PRDM16: variants seen among roughly 807,000 people sequenced by gnomAD.
PRDM16 encodes the protein PR/SET domain 16.
PRDM16 carries 23 observed loss-of-function variants against 110.6 expected under a neutral mutation model. The ratio of observed to expected loss-of-function variants is 0.21; its 90% CI spans 0.15 to 0.29. The LOEUF (loss-of-function observed/expected upper bound fraction) is 0.29, where lower values mean the gene tolerates loss of function less well. PRDM16 is among the 10% of genes least tolerant of loss of function. PRDM16 has a pLI of 1.00. For missense variants in PRDM16, 1,615 were observed against 1,794.3 expected (o/e 0.90, Z 1.81); for synonymous variants, 799 against 781.8 (o/e 1.02, Z -0.37).
intron 3 of PRDM16, among the ~76,000 whole-genome samples, chr1:3,356,885 T>C (rs1279346151): frequency 3.3e-5 from 5 of 152,172 alleles, no homozygotes; most frequent in African/African-American, 1.2e-4. Context: ...GCCGGCTGGC[T>C]ACCCCGGATC....
chr1:3,381,332 A>G (rs1010005026), intron 3 of PRDM16, among the ~76,000 whole-genome samples: 2 of 151,144 alleles, frequency 1.3e-5, no homozygotes, highest in African/African-American at 4.9e-5. Context: ...TTGTTTTTCC[A>G]GGGATTTATT....
intron 1 of PRDM16, among the ~76,000 whole-genome samples, chr1:3,075,627 AT>A (rs1641879449): frequency 6.6e-6 from 1 of 152,250 alleles, no homozygotes; most frequent in Non-Finnish European, 1.5e-5. Flanking sequence ...ATTTATAATC[AT>A]TTTAAAACAT....
chr1:3,359,009 G>A lies in PRDM16; in HGVS notation c.439-26143G>A, dbSNP rs977067883. On this transcript the variant is annotated intron_variant, in intron 3 of 16. Coordinates refer to ENST00000270722, the MANE Select transcript of PRDM16 (RefSeq NM_022114.4). This position sits in a 1 kb window ranked among gnomAD's most constrained non-coding sequence, Gnocchi z 4.3. The stretch of plus-strand genomic sequence containing the variant: ...GTCGCATTACAGCCAGTTGACTCGC[G>A]GAGTCCTCACTGGCCAACTAGAGTC... Among the ~76,000 whole-genome samples, 8 of 152,252 alleles carry A rather than the reference G, an allele frequency of 5.3e-5. No individual in the cohort carries two copies. The highest frequency in any genetic ancestry group is 1.9e-4 in the East Asian group (1 of 5,164).
intron 3 of PRDM16, among the ~76,000 whole-genome samples, chr1:3,336,536 CTG>C (rs537632576): frequency 1.1e-3 from 172 of 149,806 alleles, no homozygotes; most frequent in Non-Finnish European, 1.6e-3. Context: ...TGGTGTGAAT[CTG>C]TGTGTGAGTG....
At chr1:3,275,374 C>T (rs941558831) in intron 3 of PRDM16, among the ~76,000 whole-genome samples, 1 of 152,208 alleles carries the variant, frequency 6.6e-6, no homozygotes, top group African/African-American at 2.4e-5. Context: ...ACCCAGCCTT[C>T]GCTCCTTCCT....
intron 1 of PRDM16, among the ~76,000 whole-genome samples, chr1:3,120,664 C>T (rs993122611): frequency 6.6e-6 from 1 of 152,154 alleles, no homozygotes; most frequent in African/African-American, 2.4e-5. Context: ...TGCGTCTCTG[C>T]GCTGGAGCTT....
At chr1:3,251,789 C>T (rs979980102) in intron 3 of PRDM16, among the ~76,000 whole-genome samples, 1 of 152,172 alleles carries the variant, frequency 6.6e-6, no homozygotes, top group African/African-American at 2.4e-5. Context: ...TAAACCCTGT[C>T]CATAATCTTC....
At position 3,411,792 on chromosome 1, in the gene PRDM16, C is replaced by T; in HGVS notation, c.1595C>T (p.Thr532Ile). The change falls in exon 9 of 17, where the codon ACA becomes ATA. Residue 532 changes from threonine (T) to isoleucine (I), a missense_variant. Thr to Ile is a moderately conservative substitution (Grantham distance 89, BLOSUM62 -1). Transcript: ENST00000270722. The stretch of plus-strand genomic sequence containing the variant: ...CCCCGGCCGCCTCTGCTACCTCCCA[C>T]ATCGCTGCTCAAGAGCCCCCTGAAC... ...LYPRPPLLPPTSLLKSPLNHT... is the reference protein window; with the variant it reads ...LYPRPPLLPPISLLKSPLNHT... 1 of 1,611,958 alleles carries T rather than the reference C, an allele frequency of 6.2e-7. No homozygotes were observed. Among genetic ancestry groups the T allele is most frequent in the Non-Finnish European group, 8.5e-7 (1 of 1,179,774 alleles).
chr1:3,376,375 T>A (rs1333063910), intron 3 of PRDM16, among the ~76,000 whole-genome samples: 2 of 152,188 alleles, frequency 1.3e-5, no homozygotes, highest in African/African-American at 4.8e-5. Flanking sequence ...ACTCCACGTG[T>A]CCCGGGCCTT....
intron 11 of PRDM16, among the ~76,000 whole-genome samples, 192 bp downstream of exon 11, chr1:3,418,189 G>C (rs760236508): frequency 6.6e-6 from 1 of 152,198 alleles, no homozygotes; most frequent in Non-Finnish European, 1.5e-5. Context: ...CCTGCCTCAC[G>C]CCATGCTGTG....
chr1:3,350,531 C>T lies in PRDM16; in HGVS notation c.439-34621C>T, dbSNP rs1284836201. On this transcript the variant is annotated intron_variant, in intron 3 of 16. Transcript: ENST00000270722. This position sits in a 1 kb window ranked among gnomAD's most constrained non-coding sequence, Gnocchi z 7.1. ...GATCAAGGGCCCCGGGCTGATGTGG[C>T]CTCCCAGCAGCCTGCAGGACAAGGG... Among the ~76,000 whole-genome samples, 1 of 152,122 alleles carries T rather than the reference C, an allele frequency of 6.6e-6. No individual in the cohort carries two copies. Among genetic ancestry groups the T allele is most frequent in the Non-Finnish European group, 1.5e-5 (1 of 68,014 alleles).
intron 3 of PRDM16, among the ~76,000 whole-genome samples, chr1:3,347,270 A>G (rs566220061): frequency 4.6e-5 from 7 of 152,354 alleles, no homozygotes; most frequent in Admixed American, 1.3e-4. Context: ...GGTGGCCCCA[A>G]TGCTTAAAGC....
chr1:3,256,137 C>T (rs1424565580), intron 3 of PRDM16, among the ~76,000 whole-genome samples: 3 of 152,130 alleles, frequency 2.0e-5, no homozygotes, highest in Admixed American at 1.3e-4. Context: ...AGGAGACATC[C>T]GGATAAGAGA....
In PRDM16 at chr1:3,091,600, C is replaced by T. The variant is rs371170747; in HGVS notation, c.37+22304C>T. On this transcript the variant is annotated intron_variant, in intron 1 of 16. Transcript: ENST00000270722. ...CTGAGGGAGGCTGGGGTCCTTGCTGCGGAGGGCACCTCTGCCCAGGCACCT... is the reference window on the plus strand; with the variant it reads ...CTGAGGGAGGCTGGGGTCCTTGCTGTGGAGGGCACCTCTGCCCAGGCACCT... 4.6e-5 allele frequency among the ~76,000 whole-genome samples: 7 copies of T among 152,216 alleles called. No homozygotes were observed. In the East Asian group the frequency reaches 7.7e-4, roughly 17 times the overall value.
Position 3,339,890 on chromosome 1 carries a change from C to T in PRDM16, c.439-45262C>T, listed in dbSNP as rs74048271. On this transcript the variant is annotated intron_variant, in intron 3 of 16. Transcript: ENST00000270722. This position sits in a 1 kb window ranked among gnomAD's most constrained non-coding sequence, Gnocchi z 5.0. ...CCCAGCTCAGTCCCATAGGAAGATG[C>T]GGTTCTGTGCAGCAGCTGAGGTTGG... Among the ~76,000 whole-genome samples the T allele has an allele frequency of 0.019, 2,873 of 152,296 alleles. 97 individuals carry two copies. Among genetic ancestry groups the T allele is most frequent in the African/African-American group, 0.065 (2,699 of 41,538 alleles).
At chr1:3,231,346 G>A (rs1333159287) in intron 2 of PRDM16, among the ~76,000 whole-genome samples, 1 of 97,898 alleles carries the variant, frequency 1.0e-5, no homozygotes, top group Non-Finnish European at 1.8e-5. Context: ...GTGAGTGATG[G>A]GCCAGGCAGC....
rs375329829 is a variant in PRDM16, at chr1:3,146,284, G to A, written c.38-39841G>A. Among the ~76,000 whole-genome samples, 60 of 152,338 alleles carry A rather than the reference G, an allele frequency of 3.9e-4. 2 individuals carry two copies. Among genetic ancestry groups the A allele is most frequent in the African/African-American group, 1.0e-3 (43 of 41,582 alleles). Reference sequence around the variant, plus strand: ...CATCTGGGGTGGGGGGGGCCTCCCCGCTAACAGCCACATTCTCTTTGAAAA... The same window carrying A: ...CATCTGGGGTGGGGGGGGCCTCCCCACTAACAGCCACATTCTCTTTGAAAA... On this transcript the variant is annotated intron_variant, in intron 1 of 16. Transcript: ENST00000270722.
intron 1 of PRDM16, among the ~76,000 whole-genome samples, chr1:3,141,223 T>A (rs1391279691): frequency 6.6e-6 from 1 of 152,192 alleles, no homozygotes; most frequent in African/African-American, 2.4e-5. Flanking sequence ...ATGGGCCAAT[T>A]TGGGGGTATT....
chr1:3,257,140 G>A (rs1346200967), intron 3 of PRDM16, among the ~76,000 whole-genome samples: 1 of 152,210 alleles, frequency 6.6e-6, no homozygotes, highest in African/African-American at 2.4e-5. Flanking sequence ...AATGAACACT[G>A]GTAGTACCTG....
Sources: gnomAD v4.1 joint callset for allele counts (sites outside exome capture counted in the v4.1 genomes callset) on GRCh38, gnomAD v4.1.1 for gene constraint, Gnocchi (gnomAD v3.1) non-coding constraint, MANE v1.5 for transcripts, NCBI Gene and HGNC (gene_info 2026-07-23, HGNC 2026-07-21) for gene names.